The following OAS1 variants were observed in gnomAD, a reference collection of about 807,000 sequenced individuals.
OAS1 encodes the protein 2'-5'-oligoadenylate synthetase 1.
A neutral mutation model predicts 38.5 loss-of-function variants in OAS1; 24 were observed. That is an observed-to-expected ratio of 0.62 (90% CI 0.45 to 0.88). The LOEUF is 0.88. Ranked by LOEUF, OAS1 falls within the 40% of genes least tolerant of loss-of-function variation. The pLI, the probability that OAS1 is intolerant of heterozygous loss-of-function variation, is 0.00. For synonymous variants in OAS1, 169 were observed against 193.9 expected, an observed-to-expected ratio of 0.87 and a Z score of 1.07; for missense variants, 482 against 493.9, an observed-to-expected ratio of 0.98 and a Z score of 0.23.
chr12:112,928,749 A>G (rs367835710), intron 6 of OAS1, among the ~76,000 whole-genome samples: 19 of 152,242 alleles, frequency 1.2e-4, no homozygotes, highest in African/African-American at 4.3e-4. Context: ...ATGGCTGAGC[A>G]AACTCAAGGA....
intron 2 of OAS1, among the ~76,000 whole-genome samples, chr12:112,909,724 C>A (rs895464003): frequency 7.2e-5 from 11 of 152,124 alleles, no homozygotes; most frequent in African/African-American, 2.7e-4. Flanking sequence ...TATGAAGGCA[C>A]CTCAAAACAC....
chr12:112,918,844 G>T (rs1593163359), intron 5 of OAS1: 6 of 280,692 alleles, frequency 2.1e-5, no homozygotes, highest in Admixed American at 1.3e-4. Context: ...CCTCCAAGCA[G>T]GAATCTGTCT....
At chr12:112,923,312 C>T (rs10850097), downstream of OAS1, among the ~76,000 whole-genome samples, 105,260 of 152,078 alleles carry the variant, frequency 0.69, 36,725 homozygotes, top group East Asian at 0.78. Context: ...TACTGTTTTT[C>T]ACAGTGGCTC....
rs1220423514 is a variant in OAS1 at position 112,931,812 on chromosome 12, T to G, written c.1168-66T>G. The G allele has an allele frequency of 4.7e-6, 3 of 638,424 alleles. No homozygotes were observed. The East Asian group carries it at 8.6e-5, about 18-fold the overall frequency. 39.5% of individuals were successfully genotyped at this position (638,424 alleles called of 1,614,324 possible). A position where few individuals can be genotyped will look rare whatever the true frequency, so the allele number is the denominator to read the frequency against. ...AGATGCTTCTATAGGCTTTTCTCAC[T>G]GATGCTCTCTGGGCAGACAGGCTCC... On this transcript the variant is annotated intron_variant, in intron 6 of 6. Coordinates refer to the OAS1 transcript ENST00000540589.
At chr12:112,907,347 C>A (rs775514279) in intron 1 of OAS1, 128 bp downstream of exon 1, 25 of 804,460 alleles carry the variant, frequency 3.1e-5, no homozygotes, top group Non-Finnish European at 5.0e-5. Flanking sequence ...GTACAGAGAG[C>A]TGAGATCTTC....
chr12:112,913,092 G>T (rs114687881), intron 3 of OAS1, among the ~76,000 whole-genome samples: 706 of 152,230 alleles, frequency 4.6e-3, no homozygotes, highest in African/African-American at 0.016. Flanking sequence ...AACTCTCTCA[G>T]TTATTGTTTG....
At chr12:112,928,973 C>A (rs1386068788) in intron 6 of OAS1, among the ~76,000 whole-genome samples, 1 of 152,198 alleles carries the variant, frequency 6.6e-6, no homozygotes, top group African/African-American at 2.4e-5. Flanking sequence ...CTGTAAGTCC[C>A]TTTCCCAGGG....
At position 112,908,721 on chromosome 12, in the gene OAS1, G is replaced by A. The variant is rs2043333762; in HGVS notation, c.366G>A (p.Gln122=). Residue 122 remains glutamine, a synonymous_variant, in exon 2 of 6, where the codon CAG becomes CAA. Coordinates refer to ENST00000202917, the MANE Select transcript of OAS1 (RefSeq NM_016816.4). ...CATTTTCCGTGAAGTTTGAGGTCCAGGCTCCACGCTGGGGCAACCCCCGTG... is the reference window on the plus strand; with the variant it reads ...CATTTTCCGTGAAGTTTGAGGTCCAAGCTCCACGCTGGGGCAACCCCCGTG... The part of the protein sequence containing the change: ...ERAFSVKFEV[Q]APRWGNPRAL... The A allele has an allele frequency of 6.2e-7, 1 of 1,614,194 alleles. No individual in the cohort carries two copies. Among genetic ancestry groups the A allele is most frequent in the African/African-American group, 1.3e-5 (1 of 75,054 alleles).
At chr12:112,930,342 GA>G (rs1420384776) in intron 6 of OAS1, among the ~76,000 whole-genome samples, 1 of 152,224 alleles carries the variant, frequency 6.6e-6, no homozygotes, top group African/African-American at 2.4e-5. Context: ...AGCAATGCAA[GA>G]ATGGCCTGAT....
At chr12:112,915,628 T>C (rs542186114) in intron 3 of OAS1, among the ~76,000 whole-genome samples, 2 of 152,342 alleles carry the variant, frequency 1.3e-5, no homozygotes, top group South Asian at 4.1e-4. Context: ...ATATGAATTT[T>C]AGGATTGTTT....
At chr12:112,907,578 C>T in intron 1 of OAS1, 1 of 215,408 alleles carries the variant, frequency 4.6e-6, no homozygotes, top group Non-Finnish European at 9.4e-6. Flanking sequence ...ACCATTTCTG[C>T]AGTGAAGAAT....
intron 1 of OAS1, 113 bp from the exon 2 acceptor site, chr12:112,908,423 A>G (rs1660471663): frequency 1.0e-6 from 1 of 965,954 alleles, no homozygotes; most frequent in African/African-American, 1.6e-5. Flanking sequence ...AAGACATGCA[A>G]TGCCTTCAGA....
chr12:112,923,786 A>G (rs966063421), downstream of OAS1, among the ~76,000 whole-genome samples: 6 of 152,194 alleles, frequency 3.9e-5, no homozygotes, highest in African/African-American at 1.4e-4. Context: ...GATCTTTGAC[A>G]AGATTGCCAA....
chr12:112,918,750 C>A (rs940219060), intron 5 of OAS1: 1 of 413,666 alleles, frequency 2.4e-6, no homozygotes, highest in Non-Finnish European at 4.9e-6. Context: ...TCTCATCTGA[C>A]CAATGGGAGA....
chr12:112,925,871 G>A (rs2043555360), intron 6 of OAS1, among the ~76,000 whole-genome samples: 1 of 152,152 alleles, frequency 6.6e-6, no homozygotes, highest in Admixed American at 6.5e-5. Context: ...AGGAGCTAAT[G>A]GATGATGGAT....
At chr12:112,920,572 A>C (rs987220659), downstream of OAS1, among the ~76,000 whole-genome samples, 1 of 152,222 alleles carries the variant, frequency 6.6e-6, no homozygotes, top group African/African-American at 2.4e-5. Flanking sequence ...TCTATTGGAC[A>C]GCTCTGTCCT....
rs748296131 is a variant in OAS1 at position 112,916,587 on chromosome 12, A to G, written c.733A>G (p.Met245Val). ...GGTCTATGCTTGGGAGCGAGGGAGC[A>G]TGAAAACACATTTCAACACAGCCCA... ...LTVYAWERGS[M>V]KTHFNTAQGF... Residue 245 changes from methionine to valine, a missense_variant, in exon 4 of 6, where the codon ATG becomes GTG. Transcript: ENST00000202917. 1.8e-5 allele frequency: 29 copies of G among 1,614,080 alleles called. No individual in the cohort carries two copies. Among genetic ancestry groups the G allele is most frequent in the Non-Finnish European group, 2.3e-5 (27 of 1,180,034 alleles).
In OAS1 at chr12:112,914,727, T is replaced by A. The variant is rs559073347; in HGVS notation, c.655-1782T>A. The stretch of plus-strand genomic sequence containing the variant: ...GCATTTTTCCATATGCTTGTTGGTA[T>A]TTGTTTTTTTTTTTTTTTTTTCATT... On this transcript the variant is annotated intron_variant, in intron 3 of 5. Transcript: ENST00000202917. 4.5e-4 allele frequency among the ~76,000 whole-genome samples: 55 copies of A among 121,880 alleles called. 1 individual carries two copies. The East Asian group carries it at 0.01, about 22-fold the overall frequency. 80.0% of individuals were successfully genotyped at this position (121,880 alleles called of 152,430 possible). A position where few individuals can be genotyped will look rare whatever the true frequency, so the allele number is the denominator to read the frequency against.
chr12:112,929,692 T>C (rs1256341388), intron 6 of OAS1, among the ~76,000 whole-genome samples: 3 of 152,120 alleles, frequency 2.0e-5, no homozygotes, highest in African/African-American at 7.2e-5. Context: ...AGAGGTTAAG[T>C]AATTAGCCCA....
Sources: allele counts gnomAD v4.1 joint callset (sites outside exome capture counted in the v4.1 genomes callset), GRCh38; gene constraint gnomAD v4.1.1; transcripts MANE v1.5; gene names NCBI Gene and HGNC (gene_info 2026-07-23, HGNC 2026-07-21).